The following FAT4 variants were observed in gnomAD, a reference collection of about 807,000 sequenced individuals.
FAT4 encodes the protein protocadherin Fat 4.
Under a neutral mutation model 303.9 loss-of-function variants are expected in FAT4, and 84 were observed. The ratio of observed to expected loss-of-function variants is 0.28; its 90% confidence interval spans 0.23 to 0.33. The LOEUF (loss-of-function observed/expected upper bound fraction) is 0.33, where lower values mean the gene tolerates loss of function less well. Among genes scored for constraint, FAT4 ranks in the 10% least tolerant of loss-of-function variants. The pLI is 1.00. For synonymous variants in FAT4, 2,307 were observed against 2,298.8 expected (o/e 1.00, Z -0.10); for missense variants, 6,005 against 6,146.8 (o/e 0.98, Z 0.77).
In FAT4 at chr4:125,316,770, AAGT is replaced by A; in HGVS notation, c.360_362del (p.Val121del). 1 of 1,613,962 alleles carries A rather than the reference AAGT, an allele frequency of 6.2e-7. No individual in the cohort carries two copies. The highest frequency in any genetic ancestry group is 8.5e-7 in the Non-Finnish European group (1 of 1,179,998). ...TCCAGCGCGCCCACCTACCCCACCGAAGTGCGAGTGCTGGTGCGGGACCTCAAT... is the reference window on the plus strand; with the variant it reads ...TCCAGCGCGCCCACCTACCCCACCGAGCGAGTGCTGGTGCGGGACCTCAAT... On this transcript the variant is annotated inframe_deletion, in exon 2 of 18. Coordinates refer to ENST00000394329, the MANE Select transcript of FAT4 (RefSeq NM_001291303.3). This position sits in a 1 kb window ranked among gnomAD's most constrained non-coding sequence, Gnocchi z 5.7.
intron 8 of FAT4, among the ~76,000 whole-genome samples, chr4:125,437,306 T>A (rs1725493169): frequency 6.6e-6 from 1 of 151,992 alleles, no homozygotes; most frequent in Admixed American, 6.5e-5. Flanking sequence ...GGAGGAAAGG[T>A]CTCCAAGGAG....
rs1221545374 is a variant in FAT4, at chr4:125,317,617, T to C, written c.1206T>C (p.Asn402=). The change falls in exon 2 of 18, where the codon AAT becomes AAC. Residue 402 remains asparagine (N), a synonymous_variant. Transcript: ENST00000394329. The surrounding 1 kb of genome is among the most constrained non-coding windows in gnomAD (Gnocchi z 7.0). ...GNISVQILGG[N]EQRHFEVQSS... ...TCTCCGTGCAAATTCTCGGGGGCAA[T>C]GAGCAGCGCCACTTTGAAGTGCAAA... The C allele has an allele frequency of 3.7e-6, 6 of 1,613,796 alleles. No individual in the cohort carries two copies. Among genetic ancestry groups the C allele is most frequent in the Admixed American group, 3.3e-5 (2 of 59,986 alleles).
At position 125,415,067 on chromosome 4, in the gene FAT4, C is replaced by G. The variant is rs762028763; in HGVS notation, c.6104C>G (p.Ala2035Gly). 1 of 1,614,050 alleles carries G rather than the reference C, an allele frequency of 6.2e-7. No individual in the cohort carries two copies. Residue 2035 changes from alanine to glycine, a missense_variant, in exon 6 of 18, where the codon GCT becomes GGT. Ala to Gly is a moderately conservative substitution (Grantham distance 60). Coordinates refer to ENST00000394329, the MANE Select transcript of FAT4 (RefSeq NM_001291303.3). ...CCAGCCTCCAGATTCACAAGCACTG[C>G]TCAAGTCTCCATTATTTTGTTGGAT... The part of the protein sequence containing the change: ...QIPASRFTST[A>G]QVSIILLDVN...
chr4:125,319,425 T>G lies in FAT4; in HGVS notation c.3014T>G (p.Leu1005Arg), dbSNP rs1355488842. 2 of 1,613,818 alleles carry G rather than the reference T, an allele frequency of 1.2e-6. No individual in the cohort carries two copies. Among genetic ancestry groups the G allele is most frequent in the Non-Finnish European group, 1.7e-6 (2 of 1,179,912 alleles). ...VFDQLSYEVT[L>R]SESEPVNSRF... is the part of the protein sequence containing the mutation. Reference sequence around the variant, plus strand: ...GACCAACTCTCTTATGAAGTCACCCTTTCTGAGTCAGAACCTGTGAATTCT... The same window carrying G: ...GACCAACTCTCTTATGAAGTCACCCGTTCTGAGTCAGAACCTGTGAATTCT... The change falls in exon 2 of 18, where the codon CTT becomes CGT. Residue 1005 changes from leucine to arginine, a missense_variant. Transcript: ENST00000394329.
chr4:125,477,911 C>G (rs978467031), intron 14 of FAT4, among the ~76,000 whole-genome samples: 7 of 151,870 alleles, frequency 4.6e-5, no homozygotes, highest in African/African-American at 1.7e-4. Context: ...TTGAAAAATT[C>G]TGAAAAAATA....
At chr4:125,478,121 C>T (rs1727097163) in intron 14 of FAT4, among the ~76,000 whole-genome samples, 2 of 152,136 alleles carry the variant, frequency 1.3e-5, no homozygotes, top group South Asian at 4.1e-4. Context: ...AATCTTTGCT[C>T]ACATTATTTT....
At chr4:125,420,789 T>A (rs546201900) in intron 7 of FAT4, among the ~76,000 whole-genome samples, 4 of 152,360 alleles carry the variant, frequency 2.6e-5, no homozygotes, top group East Asian at 1.9e-4. Flanking sequence ...CTGGCTCTGA[T>A]TCAATTCTGT....
intron 17 of FAT4, among the ~76,000 whole-genome samples, chr4:125,488,169 T>C (rs563260443): frequency 1.2e-4 from 19 of 152,216 alleles, no homozygotes; most frequent in South Asian, 8.3e-4. Context: ...GTACGAAAGG[T>C]TAATTTATGT....
At chr4:125,331,447 G>A (rs1394305833) in intron 2 of FAT4, among the ~76,000 whole-genome samples, 1 of 152,168 alleles carries the variant, frequency 6.6e-6, no homozygotes, top group South Asian at 2.1e-4. Flanking sequence ...GAAAAGACTG[G>A]TTTTCCTTCA....
chr4:125,430,331 A>G (rs1725242742), intron 7 of FAT4, among the ~76,000 whole-genome samples: 1 of 152,186 alleles, frequency 6.6e-6, no homozygotes, highest in South Asian at 2.1e-4. Flanking sequence ...CTTGAAATTA[A>G]GAGACATTCC....
intron 8 of FAT4, among the ~76,000 whole-genome samples, chr4:125,436,480 A>T (rs1159272498): frequency 3.3e-5 from 5 of 152,220 alleles, no homozygotes; most frequent in African/African-American, 1.2e-4. Flanking sequence ...GAGAGTCATC[A>T]GTGTTTAGAG....
At position 125,399,166 on chromosome 4, in the gene FAT4, AT is replaced by A. The variant is rs1014315205; in HGVS notation, c.5307+259del. 1.7e-3 allele frequency among the ~76,000 whole-genome samples: 257 copies of A among 151,798 alleles called. 1 individual carries two copies. The highest frequency in any genetic ancestry group is 5.7e-3 in the African/African-American group (236 of 41,416). ...GCACTTTAGGTTACTTAGCCAAATT[AT>A]TTTTTTTCTTTAATAATAAAAATAT... On this transcript the variant is annotated intron_variant, in intron 3 of 17. Coordinates refer to ENST00000394329, the MANE Select transcript of FAT4 (RefSeq NM_001291303.3).
chr4:125,408,354 C>T (rs1734702894), intron 4 of FAT4, 90 bp from the exon 5 acceptor site: 5 of 769,554 alleles, frequency 6.5e-6, no homozygotes, highest in Non-Finnish European at 8.3e-6. Flanking sequence ...TTTTACTGTA[C>T]AAATACATTT....
intron 12 of FAT4, among the ~76,000 whole-genome samples, chr4:125,471,979 A>G (rs1392898109): frequency 1.4e-5 from 2 of 143,736 alleles, no homozygotes; most frequent in Non-Finnish European, 3.0e-5. Context: ...GGGGATAGGC[A>G]GGAGAATGGC....
rs755720702 is a variant in FAT4 at position 125,415,014 on chromosome 4, T to A, written c.6051T>A (p.Val2017=). The A allele has an allele frequency of 6.2e-7, 1 of 1,614,070 alleles. No homozygotes were observed. The highest frequency in any genetic ancestry group is 2.2e-5 in the East Asian group (1 of 44,872). The change falls in exon 6 of 18, where the codon GTT becomes GTA. Residue 2017 remains valine (V), a synonymous_variant. Coordinates refer to ENST00000394329, the MANE Select transcript of FAT4 (RefSeq NM_001291303.3). ...DRESQSFYNL[V]VQVHDLPQIP... ...AAAGTCAGTCCTTCTACAACTTGGT[T>A]GTTCAAGTGCATGACCTGCCACAGA... is the stretch of plus-strand genomic sequence containing the variant.
At chr4:125,484,289 G>T (rs1287344757) in intron 16 of FAT4, among the ~76,000 whole-genome samples, 1 of 152,132 alleles carries the variant, frequency 6.6e-6, no homozygotes, top group African/African-American at 2.4e-5. Flanking sequence ...GAAAGTTTCA[G>T]AGAGAAAGGC....
At chr4:125,421,587 G>A (rs904807389) in intron 7 of FAT4, among the ~76,000 whole-genome samples, 3 of 152,164 alleles carry the variant, frequency 2.0e-5, no homozygotes, top group South Asian at 4.1e-4. Flanking sequence ...ATTAATGTGC[G>A]AGAAAGCAGT....
intron 2 of FAT4, among the ~76,000 whole-genome samples, chr4:125,369,289 A>G (rs1733012066): frequency 6.6e-6 from 1 of 152,116 alleles, no homozygotes; most frequent in Non-Finnish European, 1.5e-5. Flanking sequence ...AACTGTCTTC[A>G]GTGAGTAATG....
intron 2 of FAT4, among the ~76,000 whole-genome samples, chr4:125,379,896 CTTTTG>C (rs889243141): frequency 6.6e-6 from 1 of 151,438 alleles, no homozygotes; most frequent in African/African-American, 2.4e-5. Context: ...GGAGTTCACT[CTTTTG>C]TTTTGTTTTG....
Sources: allele counts gnomAD v4.1 joint callset (sites outside exome capture counted in the v4.1 genomes callset), GRCh38; gene constraint gnomAD v4.1.1; non-coding constraint Gnocchi (gnomAD v3.1); transcripts MANE v1.5; gene names NCBI Gene and HGNC (gene_info 2026-07-23, HGNC 2026-07-21).